MCM2: variants seen among roughly 807,000 people sequenced by gnomAD.
MCM2 encodes the protein DNA replication licensing factor MCM2.
Under a neutral mutation model 86.4 loss-of-function variants are expected in MCM2, and 49 were observed. That is an observed-to-expected ratio of 0.57 (90% CI 0.45 to 0.72). The LOEUF is 0.72. Among genes scored for constraint, MCM2 ranks in the 30% least tolerant of loss-of-function variants. MCM2 has a pLI of 0.00. For synonymous variants in MCM2, 475 were observed against 484.6 expected (o/e 0.98, Z 0.26); for missense variants, 1,038 against 1,259.9 (o/e 0.82, Z 2.67).
chr3:127,606,484 T>G lies in MCM2; in HGVS notation c.894-126T>G, dbSNP rs2074351017. 38 of 1,178,114 alleles carry G rather than the reference T, an allele frequency of 3.2e-5. No individual in the cohort carries two copies. The highest frequency in any genetic ancestry group is 4.5e-5 in the Non-Finnish European group (37 of 820,426). 73.0% of individuals were successfully genotyped at this position (1,178,114 alleles called of 1,614,324 possible). Reference sequence around the variant, plus strand: ...GGTGAGTTGTGGTTGCACAGGAGTGTGATGGGAGGGATCTTCCCGGGCTGG... The same window carrying G: ...GGTGAGTTGTGGTTGCACAGGAGTGGGATGGGAGGGATCTTCCCGGGCTGG... On this transcript the variant is annotated intron_variant, in intron 5 of 15. Coordinates refer to ENST00000265056, the MANE Select transcript of MCM2 (RefSeq NM_004526.4). This position sits in a 1 kb window ranked among gnomAD's most constrained non-coding sequence, Gnocchi z 4.2.
rs1307126317 is a variant in MCM2, at chr3:127,617,758, G to A, written c.1901-211G>A. ...ACTGTGTTCTTGGTTTTTCCTCCTGGGGAAGCAGTTATGCTTTCTGTCTAA... is the reference window on the plus strand; with the variant it reads ...ACTGTGTTCTTGGTTTTTCCTCCTGAGGAAGCAGTTATGCTTTCTGTCTAA... On this transcript the variant is annotated intron_variant, in intron 11 of 15. Coordinates refer to ENST00000265056, the MANE Select transcript of MCM2 (RefSeq NM_004526.4). The surrounding 1 kb of genome is among the most constrained non-coding windows in gnomAD (Gnocchi z 4.1). 8.4e-6 allele frequency: 5 copies of A among 591,828 alleles called. No individual in the cohort carries two copies. The highest frequency in any genetic ancestry group is 3.7e-5 in the African/African-American group (2 of 53,710). The allele number at this position is 591,828 out of a possible 1,614,324, so 36.7% of individuals were successfully genotyped here. A position where few individuals can be genotyped will look rare whatever the true frequency, so the allele number is the denominator to read the frequency against.
chr3:127,601,446 C>T (rs912545549), intron 2 of MCM2, among the ~76,000 whole-genome samples: 8 of 152,208 alleles, frequency 5.3e-5, no homozygotes, highest in South Asian at 2.1e-4. Flanking sequence ...CTGCAACCTC[C>T]GCCTCCCAGG....
chr3:127,621,598 G>C, intron 15 of MCM2, 65 bp from the exon 16 acceptor site: 1 of 1,041,196 alleles, frequency 9.6e-7, no homozygotes, highest in Middle Eastern at 2.2e-4. Context: ...CACTGTAACT[G>C]GGGCGCTCTG....
chr3:127,614,121 C>T (rs2074417420), intron 8 of MCM2, among the ~76,000 whole-genome samples: 1 of 152,182 alleles, frequency 6.6e-6, no homozygotes, highest in Non-Finnish European at 1.5e-5. Flanking sequence ...GCACTCTACC[C>T]AGCTTCCACA....
At position 127,617,993 on chromosome 3, in the gene MCM2, CTT is replaced by C; in HGVS notation, c.1927_1928del (p.Phe643LeufsTer2). Reference sequence around the variant, plus strand: ...GGAGGGCGCTACGACCCCTCGCTGACTTTCTCTGAGAACGTGGACCTCACAGA... The same window carrying C: ...GGAGGGCGCTACGACCCCTCGCTGACTCTCTGAGAACGTGGACCTCACAGA... On this transcript the variant is annotated frameshift_variant, in exon 12 of 16. Transcript: ENST00000265056. LOFTEE classifies it high-confidence loss of function. The surrounding 1 kb of genome is among the most constrained non-coding windows in gnomAD (Gnocchi z 4.1). 5 of 1,614,070 alleles carry C rather than the reference CTT, an allele frequency of 3.1e-6. No homozygotes were observed. Among genetic ancestry groups the C allele is most frequent in the Non-Finnish European group, 2.5e-6 (3 of 1,179,980 alleles).
Position 127,598,751 on chromosome 3 carries a change from G to A in MCM2, c.6+279G>A, listed in dbSNP as rs560418480. ...TTGGGCGCCATCTGTGTGGCGCTGAGCGTACAAAAGACAGGCCCCCATTTC... is the reference window on the plus strand; with the variant it reads ...TTGGGCGCCATCTGTGTGGCGCTGAACGTACAAAAGACAGGCCCCCATTTC... On this transcript the variant is annotated intron_variant, in intron 1 of 15. Coordinates refer to ENST00000265056, the MANE Select transcript of MCM2 (RefSeq NM_004526.4). 6.0e-6 allele frequency: 3 copies of A among 503,732 alleles called. No homozygotes were observed. In the African/African-American group the frequency reaches 6.1e-5, roughly 10 times the overall value. The allele number at this position is 503,732 out of a possible 1,614,324, so 31.2% of individuals were successfully genotyped here. A position where few individuals can be genotyped will look rare whatever the true frequency, so the allele number is the denominator to read the frequency against.
chr3:127,603,680 G>C lies in MCM2; in HGVS notation c.237-928G>C, dbSNP rs112085938. On this transcript the variant is annotated intron_variant, in intron 2 of 15. Transcript: ENST00000265056. ...TTTTTTTTCTTTTTGTTTTTTTTGA[G>C]ACGGAGTCTCACTCTGTTGCGACCA... Among the ~76,000 whole-genome samples, 237 of 150,120 alleles carry C rather than the reference G, an allele frequency of 1.6e-3. 4 individuals carry two copies. In the South Asian group the frequency reaches 0.022, roughly 14 times the overall value.
chr3:127,611,991 GC>G (rs1335637718), intron 8 of MCM2, among the ~76,000 whole-genome samples: 1 of 144,512 alleles, frequency 6.9e-6, no homozygotes, highest in Non-Finnish European at 1.5e-5. Flanking sequence ...GAGCCACCGC[GC>G]CCGGCCAACA....
At chr3:127,609,045 G>A (rs1559863673) in intron 8 of MCM2, 22 bp downstream of exon 8, 4 of 1,610,914 alleles carry the variant, frequency 2.5e-6, no homozygotes, top group Non-Finnish European at 3.4e-6. Context: ...GCAGGGGCAG[G>A]GGCTGTCAGG....
At chr3:127,607,810 A>G (rs1038454016) in intron 6 of MCM2, among the ~76,000 whole-genome samples, 1 of 152,140 alleles carries the variant, frequency 6.6e-6, no homozygotes, top group Non-Finnish European at 1.5e-5. Context: ...GGCTGAGGTC[A>G]CCCAACCAGA....
At chr3:127,599,681 G>C in intron 2 of MCM2, 134 bp downstream of exon 2, 2 of 768,064 alleles carry the variant, frequency 2.6e-6, no homozygotes, top group Non-Finnish European at 4.1e-6. Flanking sequence ...CTTGATCCAG[G>C]GTTCTGAGGA....
At position 127,617,343 on chromosome 3, in the gene MCM2, A is replaced by G; in HGVS notation, c.1838A>G (p.Lys613Arg). 1.2e-6 allele frequency: 2 copies of G among 1,614,114 alleles called. No homozygotes were observed. Among genetic ancestry groups the G allele is most frequent in the Non-Finnish European group, 8.5e-7 (1 of 1,180,006 alleles). Residue 613 changes from lysine (K) to arginine (R), a missense_variant, in exon 11 of 16, where the codon AAG becomes AGG. Coordinates refer to ENST00000265056, the MANE Select transcript of MCM2 (RefSeq NM_004526.4). The surrounding 1 kb of genome is among the most constrained non-coding windows in gnomAD (Gnocchi z 4.1). ...GAGCAACAGAGCATCTCCATCTCGA[A>G]GGCTGGCATCGTCACCTCCCTGCAG... ...AMEQQSISIS[K>R]AGIVTSLQAR...
chr3:127,606,621 T>G lies in MCM2; in HGVS notation c.905T>G (p.Leu302Arg). Residue 302 changes from leucine to arginine, a missense_variant, in exon 6 of 16, where the codon CTG (leucine) becomes CGG (arginine). Leu to Arg is a moderately radical substitution (Grantham distance 102). Transcript: ENST00000265056. The surrounding 1 kb of genome is among the most constrained non-coding windows in gnomAD (Gnocchi z 4.2). Reference protein sequence around the residue: ...EELRSLRQLHLNQLIRTSGVV... With the variant: ...EELRSLRQLHRNQLIRTSGVV... ...CTCTGCCTCCGCAGGCAGCTGCATC[T>G]GAACCAGCTGATCCGCACCAGTGGG... 6.2e-7 allele frequency: 1 copy of G among 1,613,880 alleles called. No homozygotes were observed. The highest frequency in any genetic ancestry group is 8.5e-7 in the Non-Finnish European group (1 of 1,179,874).
intron 2 of MCM2, 78 bp downstream of exon 2, chr3:127,599,625 G>C: frequency 7.6e-7 from 1 of 1,317,000 alleles, no homozygotes; most frequent in Non-Finnish European, 1.0e-6. Flanking sequence ...CTGGCTTTGG[G>C]AGCTGGGAGC....
At chr3:127,608,610 A>C in intron 7 of MCM2, 94 bp downstream of exon 7, 1 of 1,515,862 alleles carries the variant, frequency 6.6e-7, no homozygotes. Flanking sequence ...CTATGGTCGC[A>C]GGGGCACTCG....
chr3:127,601,615 T>C (rs2074306998), intron 2 of MCM2, among the ~76,000 whole-genome samples: 1 of 152,128 alleles, frequency 6.6e-6, no homozygotes, highest in South Asian at 2.1e-4. Context: ...ATCCACGTGC[T>C]TCAGCCTCCC....
chr3:127,606,294 C>T lies in MCM2; in HGVS notation c.850C>T (p.Arg284Cys), dbSNP rs766530339. 1.2e-5 allele frequency: 19 copies of T among 1,614,140 alleles called. No individual in the cohort carries two copies. Among genetic ancestry groups the T allele is most frequent in the South Asian group, 3.3e-5 (3 of 91,094 alleles). ...YDRITNHIHV[R>C]ISHLPLVEEL... ...CCGCATCACCAACCACATCCATGTC[C>T]GCATCTCCCACCTGCCTCTGGTGGA... Residue 284 changes from arginine (R) to cysteine (C), a missense_variant, in exon 5 of 16, where the codon CGC (arginine) becomes TGC (cysteine). Physicochemically the swap from Arg to Cys is radical, Grantham distance 180. This residue lies in a region of MCM2 where 399 missense variants were observed against 507.2 expected (regional missense o/e 0.79). Transcript: ENST00000265056. This position sits in a 1 kb window ranked among gnomAD's most constrained non-coding sequence, Gnocchi z 4.2.
chr3:127,599,831 A>G (rs2074293993), intron 2 of MCM2, among the ~76,000 whole-genome samples: 1 of 152,226 alleles, frequency 6.6e-6, no homozygotes, highest in African/African-American at 2.4e-5. Context: ...GAATACTCCA[A>G]CTCAAAAAGA....
Position 127,621,164 on chromosome 3 carries a change from A to G in MCM2, c.2540A>G (p.Gln847Arg). Residue 847 changes from glutamine (Q) to arginine (R), a missense_variant, in exon 15 of 16, where the codon CAG (glutamine) becomes CGG (arginine). Transcript: ENST00000265056. ...TTAGTGGCAGAGCAGGTGACATATC[A>G]GCGCAACCGCTTTGGGGCCCAGCAG... ...KQLVAEQVTY[Q>R]RNRFGAQQDT... 6.2e-7 allele frequency: 1 copy of G among 1,614,216 alleles called. No homozygotes were observed. The highest frequency in any genetic ancestry group is 1.1e-5 in the South Asian group (1 of 91,086).
Sources: allele counts gnomAD v4.1 joint callset (sites outside exome capture counted in the v4.1 genomes callset), GRCh38; gene constraint gnomAD v4.1.1; regional missense constraint gnomAD v4.1.1; non-coding constraint Gnocchi (gnomAD v3.1); transcripts MANE v1.5; gene names NCBI Gene and HGNC (gene_info 2026-07-23, HGNC 2026-07-21).